PTPRD: variants seen among roughly 807,000 people sequenced by gnomAD.
The protein encoded by PTPRD is protein tyrosine phosphatase receptor type D, also known as receptor-type tyrosine-protein phosphatase delta.
Under a neutral mutation model 214.5 loss-of-function variants are expected in PTPRD, and 34 were observed. That is an observed-to-expected ratio of 0.16 (90% CI 0.12 to 0.21). PTPRD has a LOEUF of 0.21. Ranked by LOEUF, PTPRD falls within the 10% of genes least tolerant of loss-of-function variation. PTPRD has a pLI of 1.00. For missense variants in PTPRD, 2,545 were observed against 2,398.7 expected, an observed-to-expected ratio of 1.06 and a Z score of -1.27; for synonymous variants, 1,128 against 845.7, an observed-to-expected ratio of 1.33 and a Z score of -5.79.
At chr9:10,602,431 T>G (rs1202164949) in intron 2 of PTPRD, among the ~76,000 whole-genome samples, 1 of 151,722 alleles carries the variant, frequency 6.6e-6, no homozygotes, top group Non-Finnish European at 1.5e-5. Flanking sequence ...TTAAAAAAAT[T>G]TGATGAATAT....
intron 2 of PTPRD, among the ~76,000 whole-genome samples, chr9:10,413,816 C>T (rs1160096023): frequency 1.3e-5 from 2 of 151,886 alleles, no homozygotes; most frequent in Non-Finnish European, 2.9e-5. Context: ...TCACCTATGA[C>T]CATCTGATCC....
intron 3 of PTPRD, among the ~76,000 whole-genome samples, chr9:10,201,382 G>C (rs982580196): frequency 1.3e-5 from 2 of 151,952 alleles, no homozygotes; most frequent in South Asian, 4.1e-4. Flanking sequence ...AATGTAAATT[G>C]GCATACTTAA....
intron 3 of PTPRD, among the ~76,000 whole-genome samples, chr9:10,189,199 C>G (rs1226077064): frequency 6.6e-6 from 1 of 152,118 alleles, no homozygotes; most frequent in African/African-American, 2.4e-5. Context: ...GGAATCCTAA[C>G]TGGTCCCATC....
intron 5 of PTPRD, among the ~76,000 whole-genome samples, chr9:9,873,246 T>C (rs1223346751): frequency 2.0e-5 from 3 of 152,180 alleles, no homozygotes; most frequent in African/African-American, 7.2e-5. Flanking sequence ...TAACCTTTCA[T>C]GTAAATAAAG....
intron 10 of PTPRD, among the ~76,000 whole-genome samples, chr9:9,024,311 T>C (rs1471735336): frequency 6.6e-6 from 1 of 150,568 alleles, no homozygotes; most frequent in Admixed American, 6.7e-5. Context: ...TTGTTAGACC[T>C]GTCGAAAAGG....
chr9:9,944,977 T>C (rs1396479353), intron 4 of PTPRD, among the ~76,000 whole-genome samples: 2 of 149,294 alleles, frequency 1.3e-5, no homozygotes, highest in African/African-American at 5.2e-5. Flanking sequence ...GAGATGAATA[T>C]GACCAGACAA....
rs1189924432 is a variant in PTPRD, at chr9:8,353,818, ATATATGTATATATGTATATATGTAT to A, written c.4662-11865_4662-11841del. ...ATTTGAGACTCCTTCTCAAAAAAAA[ATATATGTATATATGTATATATGTAT>A]ATATGTATATATGTGTATATATGTA... is the stretch of plus-strand genomic sequence containing the variant. On this transcript the variant is annotated intron_variant, in intron 39 of 45. Transcript: ENST00000381196. Among the ~76,000 whole-genome samples the A allele has an allele frequency of 1.4e-3, 25 of 17,958 alleles. No individual in the cohort carries two copies. In the East Asian group the frequency reaches 0.031, roughly 22 times the overall value. 11.8% of individuals were successfully genotyped at this position (17,958 alleles called of 152,430 possible).
intron 11 of PTPRD, among the ~76,000 whole-genome samples, chr9:9,016,560 A>G (rs1048588490): frequency 2.0e-5 from 3 of 152,178 alleles, no homozygotes; most frequent in African/African-American, 7.2e-5. Flanking sequence ...AGAGGAATAT[A>G]AGGCACCCAC....
At chr9:9,124,162 T>C (rs1257257700) in intron 10 of PTPRD, among the ~76,000 whole-genome samples, 2 of 152,208 alleles carry the variant, frequency 1.3e-5, no homozygotes. Flanking sequence ...TTTAAGTATA[T>C]GTCACACATT....
intron 8 of PTPRD, among the ~76,000 whole-genome samples, chr9:9,495,736 T>C (rs1403201795): frequency 1.3e-5 from 2 of 152,204 alleles, no homozygotes; most frequent in East Asian, 1.9e-4. Flanking sequence ...CTCATTCTTC[T>C]TGGATGCTGG....
chr9:10,499,572 A>C (rs74820130), intron 2 of PTPRD, among the ~76,000 whole-genome samples: 2 of 152,068 alleles, frequency 1.3e-5, no homozygotes, highest in African/African-American at 4.8e-5. Flanking sequence ...GTGTGTGATT[A>C]ATCAAATCCT....
At chr9:8,601,086 T>C (rs2154277003) in intron 14 of PTPRD, among the ~76,000 whole-genome samples, 1 of 152,014 alleles carries the variant, frequency 6.6e-6, no homozygotes, top group East Asian at 1.9e-4. Context: ...AGGCCTTAAG[T>C]GAACACTGGC....
chr9:9,503,126 C>A (rs1444149878), intron 8 of PTPRD, among the ~76,000 whole-genome samples: 3 of 151,584 alleles, frequency 2.0e-5, no homozygotes, highest in African/African-American at 7.3e-5. Flanking sequence ...AAAGAAGGGA[C>A]TTGGTTGGTA....
At chr9:8,640,311 T>G (rs2096545710) in intron 12 of PTPRD, among the ~76,000 whole-genome samples, 1 of 152,016 alleles carries the variant, frequency 6.6e-6, no homozygotes, top group Admixed American at 6.5e-5. Flanking sequence ...ATCACGCCAC[T>G]GCACTACAAC....
chr9:10,525,883 C>A (rs935757387), intron 2 of PTPRD, among the ~76,000 whole-genome samples: 2 of 152,044 alleles, frequency 1.3e-5, no homozygotes, highest in Non-Finnish European at 2.9e-5. Context: ...GCCCACTTCT[C>A]AAACATCCTG....
chr9:9,143,544 G>A (rs1225430504), intron 10 of PTPRD, among the ~76,000 whole-genome samples: 2 of 152,164 alleles, frequency 1.3e-5, no homozygotes, highest in East Asian at 3.8e-4. Context: ...TAATGTGGAT[G>A]TTAATCATAG....
At chr9:10,437,420 G>T (rs186880972) in intron 2 of PTPRD, among the ~76,000 whole-genome samples, 12 of 151,884 alleles carry the variant, frequency 7.9e-5, no homozygotes, top group African/African-American at 2.4e-4. Flanking sequence ...CACTGATGTG[G>T]TATTTCCAAT....
At chr9:10,485,024 CTTGATT>C (rs2099123612) in intron 2 of PTPRD, among the ~76,000 whole-genome samples, 1 of 144,856 alleles carries the variant, frequency 6.9e-6, no homozygotes, top group South Asian at 2.1e-4. Flanking sequence ...TCAATTTTTA[CTTGATT>C]TTTTTTTTGC....
chr9:9,320,905 GA>G (rs896975576), intron 9 of PTPRD, among the ~76,000 whole-genome samples: 7 of 152,124 alleles, frequency 4.6e-5, no homozygotes, highest in African/African-American at 1.4e-4. Flanking sequence ...TGCCAGATAA[GA>G]ATTTGTCCTC....
Sources: gnomAD v4.1 joint callset for allele counts (sites outside exome capture counted in the v4.1 genomes callset) on GRCh38, gnomAD v4.1.1 for gene constraint, MANE v1.5 for transcripts, NCBI Gene and HGNC (gene_info 2026-07-23, HGNC 2026-07-21) for gene names.